The following USP9X variants were observed in gnomAD, a reference collection of about 807,000 sequenced individuals.
USP9X encodes ubiquitin specific peptidase 9 X-linked.
In USP9X, 7 loss-of-function variants were observed where a neutral mutation model predicts 190.3. The ratio of observed to expected loss-of-function variants is 0.04; its 90% CI spans 0.02 to 0.07. USP9X has a LOEUF of 0.07. Ranked by LOEUF, USP9X falls within the 10% of genes least tolerant of loss-of-function variation. The probability of loss-of-function intolerance (pLI) is 1.00; values close to 1 mark genes in which losing one functional copy is unlikely to be tolerated. For synonymous variants in USP9X, 645 were observed against 659.5 expected (o/e 0.98, Z 0.34); for missense variants, 1,010 against 1,916.9 (o/e 0.53, Z 8.83).
At chrX:41,168,386 C>T (rs2062695864) in intron 18 of USP9X, 168 bp downstream of exon 18, 1 of 411,870 alleles carries the variant, frequency 2.4e-6, no homozygotes, top group African/African-American at 2.6e-5. Flanking sequence ...CCCACTCTCC[C>T]ATCTGGTTTT....
At chrX:41,113,213 T>G (rs996427478) in intron 1 of USP9X, among the ~76,000 whole-genome samples, 1 of 112,107 alleles carries the variant, frequency 8.9e-6, no homozygotes, top group Non-Finnish European at 1.9e-5. Flanking sequence ...TGTTGTTGTT[T>G]TTATTTGAGA....
rs546703650 is a variant in USP9X, at chrX:41,153,107, T to C, written c.1897+26T>C. ...GTATGTATTGTAAGCTAAAATAAAC[T>C]ATGGGAAATAGCAGGGACCTTTTTT... On this transcript the variant is annotated intron_variant, in intron 14 of 44. Transcript: ENST00000378308. The C allele has an allele frequency of 5.1e-5, 60 of 1,168,842 alleles. 1 individual carries two copies. In the South Asian group the frequency reaches 1.1e-3, roughly 22 times the overall value.
chrX:41,164,252 T>A (rs1023393746), intron 15 of USP9X, among the ~76,000 whole-genome samples: 4 of 111,711 alleles, frequency 3.6e-5, no homozygotes, highest in African/African-American at 1.3e-4. Flanking sequence ...ACTCTGTGCT[T>A]ATTTATGGAG....
intron 20 of USP9X, 112 bp from the exon 21 acceptor site, chrX:41,171,726 A>C: frequency 3.3e-6 from 3 of 905,556 alleles, no homozygotes; most frequent in Non-Finnish European, 4.8e-6. Context: ...TTCAAAGAGT[A>C]GAAATTTCAT....
At chrX:41,109,649 C>T (rs1035101105) in intron 1 of USP9X, among the ~76,000 whole-genome samples, 5 of 111,926 alleles carry the variant, frequency 4.5e-5, no homozygotes, top group African/African-American at 6.5e-5. Context: ...AAATAAAATA[C>T]GAGCATTTAG....
At chrX:41,140,231 T>A (rs745434402) in intron 6 of USP9X, among the ~76,000 whole-genome samples, 2 of 112,529 alleles carry the variant, frequency 1.8e-5, no homozygotes, top group African/African-American at 6.4e-5. Context: ...AATTTTAATG[T>A]TTTACAACTA....
intron 1 of USP9X, among the ~76,000 whole-genome samples, chrX:41,100,452 C>T (rs1362591502): frequency 8.9e-6 from 1 of 111,770 alleles, no homozygotes; most frequent in Non-Finnish European, 1.9e-5. Context: ...TTAACTACTG[C>T]ATTACATAAT....
At chrX:41,126,431 C>T (rs1041133499) in intron 2 of USP9X, among the ~76,000 whole-genome samples, 4 of 111,719 alleles carry the variant, frequency 3.6e-5, no homozygotes, top group Admixed American at 2.9e-4. Flanking sequence ...AGTATCTTTC[C>T]CTCTTCCTTT....
At chrX:41,200,284 C>T (rs1182247846) in intron 30 of USP9X, among the ~76,000 whole-genome samples, 1 of 111,088 alleles carries the variant, frequency 9.0e-6, no homozygotes, top group Non-Finnish European at 1.9e-5. Context: ...ACGTTGTTTG[C>T]ATCCTTCCCT....
intron 14 of USP9X, among the ~76,000 whole-genome samples, chrX:41,154,652 A>G (rs1034747653): frequency 6.3e-5 from 7 of 111,750 alleles, no homozygotes; most frequent in Non-Finnish European, 1.1e-4. Context: ...TGTTGTCTGT[A>G]TATCTGCAAA....
chrX:41,214,408 G>T (rs1324161026), intron 33 of USP9X, among the ~76,000 whole-genome samples, 160 bp from the exon 34 acceptor site: 1 of 110,983 alleles, frequency 9.0e-6, no homozygotes, highest in African/African-American at 3.3e-5. Flanking sequence ...AAACCAACAT[G>T]GCACATGTAT....
chrX:41,125,682 A>ACTCTCTCTCT (rs1477045514), intron 2 of USP9X, among the ~76,000 whole-genome samples: 32 of 22,840 alleles, frequency 1.4e-3, no homozygotes, highest in African/African-American at 1.9e-3. Context: ...ACACACACAC[A>ACTCTCTCTCT]CACTCTCTCT....
chrX:41,160,939 G>T (rs993520195), intron 14 of USP9X, among the ~76,000 whole-genome samples: 3 of 111,458 alleles, frequency 2.7e-5, no homozygotes, highest in Admixed American at 1.9e-4. Flanking sequence ...CTCCTCCGAG[G>T]GGGTGGAGGT....
intron 44 of USP9X, among the ~76,000 whole-genome samples, chrX:41,231,342 T>C (rs1199882274): frequency 8.9e-6 from 1 of 111,996 alleles, no homozygotes; most frequent in Non-Finnish European, 1.9e-5. Flanking sequence ...GGAGAAACAT[T>C]TCAGGCATTC....
intron 18 of USP9X, 70 bp from the exon 19 acceptor site, chrX:41,169,925 T>G (rs1463580231): frequency 2.6e-6 from 3 of 1,156,725 alleles, no homozygotes; most frequent in Non-Finnish European, 3.5e-6. Context: ...ATCCCCAGCA[T>G]TATTTTCTTG....
intron 34 of USP9X, among the ~76,000 whole-genome samples, chrX:41,215,634 G>A (rs1033283965): frequency 8.9e-6 from 1 of 112,370 alleles, no homozygotes; most frequent in Non-Finnish European, 1.9e-5. Flanking sequence ...AACCACCTTC[G>A]TGGGAACAAC....
At chrX:41,156,710 TAA>T (rs2062582146) in intron 14 of USP9X, among the ~76,000 whole-genome samples, 1 of 111,943 alleles carries the variant, frequency 8.9e-6, no homozygotes, top group South Asian at 3.7e-4. Context: ...TCCTGAACAG[TAA>T]CATAGATGTT....
chrX:41,151,587 A>T (rs1022663443), intron 13 of USP9X, among the ~76,000 whole-genome samples: 3 of 112,567 alleles, frequency 2.7e-5, no homozygotes, highest in Non-Finnish European at 5.6e-5. Context: ...GAAGAGAAAG[A>T]GAGCAGGGTG....
intron 11 of USP9X, among the ~76,000 whole-genome samples, chrX:41,146,069 C>G (rs1016147812): frequency 6.3e-5 from 7 of 111,520 alleles, no homozygotes; most frequent in African/African-American, 2.3e-4. Context: ...AATTGGTCAT[C>G]ATGGGCACTG....
Sources: gnomAD v4.1 joint callset for allele counts (sites outside exome capture counted in the v4.1 genomes callset) on GRCh38, gnomAD v4.1.1 for gene constraint, MANE v1.5 for transcripts, NCBI Gene and HGNC (gene_info 2026-07-23, HGNC 2026-07-21) for gene names.